Variants in PRSS3 observed in about 807,000 individuals in gnomAD.
PRSS3 encodes trypsin-3.
Under a neutral mutation model 20.8 loss-of-function variants are expected in PRSS3, and 14 were observed. That is an observed-to-expected ratio of 0.67 (90% confidence interval 0.44 to 1.05). The LOEUF is 1.05. Ranked by LOEUF, PRSS3 falls within the 50% of genes least tolerant of loss-of-function variation. PRSS3 has a pLI of 0.00. For missense variants in PRSS3, 237 were observed against 306.4 expected (o/e 0.77, Z 1.69); for synonymous variants, 91 against 117.6 (o/e 0.77, Z 1.46).
chr9:33,767,545 CG>C (rs142903105), intron 1 of PRSS3, among the ~76,000 whole-genome samples: 3,486 of 152,044 alleles, frequency 0.023, 97 homozygotes, highest in African/African-American at 0.074. Flanking sequence ...ACTTTAGGGC[CG>C]GGCGCGGTGA....
Position 33,799,144 on chromosome 9 carries a change from G to A in PRSS3, c.708G>A (p.Val236=). ...PGVYTKVYNY[V]DWIKDTIAAN... is the part of the protein sequence containing the mutation. The stretch of plus-strand genomic sequence containing the variant: ...TCTACACCAAGGTCTACAACTATGT[G>A]GACTGGATTAAGGACACCATCGCTG... The change falls in exon 5 of 5, where the codon GTG becomes GTA. Residue 236 remains valine, a synonymous_variant. Transcript: ENST00000379405. 1.9e-6 allele frequency: 3 copies of A among 1,614,170 alleles called. No individual in the cohort carries two copies. Among genetic ancestry groups the A allele is most frequent in the Non-Finnish European group, 2.5e-6 (3 of 1,180,032 alleles).
intron 1 of PRSS3, among the ~76,000 whole-genome samples, chr9:33,751,090 G>A (rs1391025689): frequency 6.6e-6 from 1 of 152,190 alleles, no homozygotes. Context: ...GGTCTGCCGC[G>A]TTGCAGGGTG....
At chr9:33,755,938 A>G (rs1215200149) in intron 1 of PRSS3, among the ~76,000 whole-genome samples, 1 of 152,200 alleles carries the variant, frequency 6.6e-6, no homozygotes, top group Non-Finnish European at 1.5e-5. Flanking sequence ...TTCTCATTCT[A>G]AATACATACA....
At chr9:33,786,633 T>G (rs1824423936) in intron 1 of PRSS3, 1 of 766,294 alleles carries the variant, frequency 1.3e-6, no homozygotes, top group African/African-American at 1.7e-5. Flanking sequence ...GTCACCATGA[T>G]GTTCTGGTAC....
In PRSS3 at chr9:33,796,802, C is replaced by T. The variant is rs190542730; in HGVS notation, c.200C>T (p.Thr67Ile). The T allele has an allele frequency of 3.2e-5, 52 of 1,613,942 alleles. No homozygotes were observed. In the East Asian group the frequency reaches 7.4e-4, roughly 23 times the overall value. ...WVVSAAHCYK[T>I]RIQVRLGEHN... ...GTATCAGCAGCTCACTGCTACAAGA[C>T]GTAAGTGTGGGGCCCCTGACTGCAA... Residue 67 changes from threonine to isoleucine, a missense_variant and splice_region_variant, in exon 2 of 5, where the codon ACC becomes ATC. Transcript: ENST00000379405.
chr9:33,773,958 T>A (rs1383425745), intron 1 of PRSS3, among the ~76,000 whole-genome samples: 1 of 152,196 alleles, frequency 6.6e-6, no homozygotes, highest in Non-Finnish European at 1.5e-5. Flanking sequence ...TTATCTGATA[T>A]TTGTTTTCCT....
intron 1 of PRSS3, among the ~76,000 whole-genome samples, chr9:33,774,064 A>C (rs1823817427): frequency 6.6e-6 from 1 of 152,190 alleles, no homozygotes; most frequent in South Asian, 2.1e-4. Flanking sequence ...TTTTTTATTT[A>C]ACATTTATTT....
At chr9:33,789,834 GA>G (rs150074339) in intron 1 of PRSS3, among the ~76,000 whole-genome samples, 170 of 152,278 alleles carry the variant, frequency 1.1e-3, no homozygotes, top group African/African-American at 2.5e-3. Flanking sequence ...TTTATCAAGT[GA>G]CAGACCTAAG....
chr9:33,771,111 G>GCT (rs140073537), intron 1 of PRSS3, among the ~76,000 whole-genome samples: 88 of 152,268 alleles, frequency 5.8e-4, no homozygotes, highest in Non-Finnish European at 8.4e-4. Context: ...GTGAGATCCT[G>GCT]CTCTCACCCA....
intron 1 of PRSS3, among the ~76,000 whole-genome samples, chr9:33,796,205 G>C (rs1032298174): frequency 5.9e-5 from 9 of 152,224 alleles, no homozygotes; most frequent in Non-Finnish European, 1.2e-4. Flanking sequence ...CTGAGCTATG[G>C]GGGAAGCTAG....
chr9:33,759,355 T>G (rs1218138914), intron 1 of PRSS3, among the ~76,000 whole-genome samples: 1 of 152,110 alleles, frequency 6.6e-6, no homozygotes, highest in Non-Finnish European at 1.5e-5. Flanking sequence ...ACAGCAGGAC[T>G]AGAGGCCTCA....
chr9:33,777,060 A>G (rs1321517506), intron 1 of PRSS3, among the ~76,000 whole-genome samples: 2 of 152,196 alleles, frequency 1.3e-5, no homozygotes, highest in African/African-American at 4.8e-5. Context: ...GAGAAAAATC[A>G]TACATACCAG....
Position 33,767,751 on chromosome 9 carries a change from G to A in PRSS3, c.-53+17024G>A, listed in dbSNP as rs560409564. On this transcript the variant is annotated intron_variant, in intron 1 of 5. Transcript: ENST00000342836. ...GAGGCAGGAGAATCACTTGAACCCA[G>A]GAGGCAGAGGTTGCAGTGAGCCAAG... Among the ~76,000 whole-genome samples, 32 of 152,232 alleles carry A rather than the reference G, an allele frequency of 2.1e-4. No homozygotes were observed. The East Asian group carries it at 5.8e-3, about 28-fold the overall frequency.
At chr9:33,778,844 C>G (rs1196018371) in intron 1 of PRSS3, among the ~76,000 whole-genome samples, 1 of 152,172 alleles carries the variant, frequency 6.6e-6, no homozygotes, top group Non-Finnish European at 1.5e-5. Context: ...ATCTCTCTCC[C>G]CCACCCACCT....
intron 1 of PRSS3, among the ~76,000 whole-genome samples, chr9:33,777,283 A>G (rs1480205339): frequency 1.3e-5 from 2 of 152,152 alleles, no homozygotes; most frequent in Non-Finnish European, 2.9e-5. Context: ...ACATGATAGT[A>G]AATGGCAATG....
intron 1 of PRSS3, among the ~76,000 whole-genome samples, chr9:33,785,428 C>G (rs1294941924): frequency 6.6e-6 from 1 of 151,852 alleles, no homozygotes; most frequent in Non-Finnish European, 1.5e-5. Context: ...CCGCCCGCCT[C>G]GGCCTCCCAA....
chr9:33,771,118 C>T (rs780121967), intron 1 of PRSS3, among the ~76,000 whole-genome samples: 7 of 152,150 alleles, frequency 4.6e-5, no homozygotes, highest in Non-Finnish European at 7.4e-5. Flanking sequence ...CCTGCTCTCA[C>T]CCAGGCCTGC....
chr9:33,756,445 A>G (rs10971684), intron 1 of PRSS3, among the ~76,000 whole-genome samples: 3,805 of 152,236 alleles, frequency 0.025, 82 homozygotes, highest in Non-Finnish European at 0.039. Context: ...GGTCTTTTCA[A>G]TCCAAAAATT....
At chr9:33,758,023 G>A (rs1397534643) in intron 1 of PRSS3, among the ~76,000 whole-genome samples, 8 of 152,076 alleles carry the variant, frequency 5.3e-5, no homozygotes, top group Non-Finnish European at 8.8e-5. Flanking sequence ...ACCCTGCATC[G>A]AGTCCCTCCT....
Sources: allele counts gnomAD v4.1 joint callset (sites outside exome capture counted in the v4.1 genomes callset), GRCh38; gene constraint gnomAD v4.1.1; transcripts MANE v1.5; gene names NCBI Gene and HGNC (gene_info 2026-07-23, HGNC 2026-07-21).